Variants in TRAPPC3L observed in about 807,000 individuals in gnomAD.
TRAPPC3L encodes trafficking protein particle complex subunit 3-like protein.
TRAPPC3L carries 23 observed loss-of-function variants against 23.7 expected under a neutral mutation model. That is an observed-to-expected ratio of 0.97 (90% CI 0.70 to 1.37). TRAPPC3L has a LOEUF of 1.37. Ranked by LOEUF, TRAPPC3L falls within the 40% of genes most tolerant of loss-of-function variation. The probability of loss-of-function intolerance (pLI) is 0.00; values close to 1 mark genes in which losing one functional copy is unlikely to be tolerated. For missense variants in TRAPPC3L, 212 were observed against 216.8 expected, an observed-to-expected ratio of 0.98 and a Z score of 0.14; for synonymous variants, 81 against 77.9, an observed-to-expected ratio of 1.04 and a Z score of -0.21.
chr6:116,543,126 C>A (rs1177175828), intron 2 of TRAPPC3L, among the ~76,000 whole-genome samples, 177 bp downstream of exon 2: 1 of 152,110 alleles, frequency 6.6e-6, no homozygotes, highest in African/African-American at 2.4e-5. Flanking sequence ...TTCCTATTAT[C>A]TTATTCTATC....
intron 3 of TRAPPC3L, among the ~76,000 whole-genome samples, chr6:116,506,184 C>A (rs574117950): frequency 1.3e-5 from 2 of 152,038 alleles, no homozygotes; most frequent in East Asian, 3.9e-4. Flanking sequence ...GAAAAAACAA[C>A]CCCATCAAAA....
intron 3 of TRAPPC3L, chr6:116,521,510 G>A (rs1772341402): frequency 8.2e-6 from 1 of 121,638 alleles, no homozygotes; most frequent in African/African-American, 2.5e-5. Flanking sequence ...CTCGAGTGGA[G>A]AGAGAGGGAG....
At chr6:116,511,777 C>G (rs752156264) in intron 3 of TRAPPC3L, 1 of 1,613,994 alleles carries the variant, frequency 6.2e-7, no homozygotes. Context: ...CTCTGCTGAC[C>G]GTGGGAAGTG....
At chr6:116,516,023 G>A (rs1772218777) in intron 3 of TRAPPC3L, 1 of 1,542,046 alleles carries the variant, frequency 6.5e-7, no homozygotes, top group Middle Eastern at 1.9e-4. Context: ...GGTGTTGAGT[G>A]GCATGCTCAT....
intron 3 of TRAPPC3L, among the ~76,000 whole-genome samples, chr6:116,505,228 A>G (rs1439519656): frequency 2.0e-5 from 3 of 152,190 alleles, no homozygotes; most frequent in Non-Finnish European, 2.9e-5. Context: ...CCAATAACAG[A>G]CAAACAGAGA....
intron 3 of TRAPPC3L, among the ~76,000 whole-genome samples, chr6:116,506,701 C>T (rs2115159510): frequency 6.6e-6 from 1 of 152,316 alleles, no homozygotes; most frequent in East Asian, 1.9e-4. Context: ...AGGAAGAGTT[C>T]ATGTCATTTG....
chr6:116,509,091 TA>T (rs56112495), intron 3 of TRAPPC3L, among the ~76,000 whole-genome samples: 20,775 of 127,152 alleles, frequency 0.16, 1,453 homozygotes, highest in East Asian at 0.29. Flanking sequence ...ATAAGAGTTG[TA>T]AAAAAAAAAA....
intron 1 of TRAPPC3L, chr6:116,543,729 CT>C: frequency 8.8e-7 from 1 of 1,134,876 alleles, no homozygotes. Context: ...ACATAAATTT[CT>C]GTTTTTCTAA....
In TRAPPC3L at chr6:116,545,536, A is replaced by G. The variant is rs1441444102; in HGVS notation, c.-22T>C. 2.6e-6 allele frequency: 4 copies of G among 1,543,856 alleles called. No individual in the cohort carries two copies. Among genetic ancestry groups the G allele is most frequent in the African/African-American group, 2.7e-5 (2 of 72,814 alleles). The stretch of plus-strand genomic sequence containing the variant: ...ACATAGTGCTTGATAGATGAAGAAT[A>G]TGATCTTCAATTTCTCTTCTTTTGC... On this transcript the variant is annotated 5_prime_UTR_variant, in exon 1 of 5. Coordinates refer to ENST00000368602, the MANE Select transcript of TRAPPC3L (RefSeq NM_001139444.3).
rs1461924277 is a variant in TRAPPC3L at position 116,500,718 on chromosome 6, T to C, written c.241-52A>G. The C allele has an allele frequency of 8.1e-6, 12 of 1,475,568 alleles. No individual in the cohort carries two copies. In the South Asian group the frequency reaches 1.1e-4, roughly 13 times the overall value. 91.4% of individuals were successfully genotyped at this position (1,475,568 alleles called of 1,614,324 possible). On this transcript the variant is annotated intron_variant, in intron 3 of 4. Transcript: ENST00000368602. ...AAACTTGGTCTAGAACAAATAACTA[T>C]GAGCAGACTAAACAAATACCCAGTT...
intron 3 of TRAPPC3L, chr6:116,512,195 G>A (rs1267497142): frequency 2.5e-6 from 4 of 1,607,556 alleles, no homozygotes; most frequent in East Asian, 2.2e-5. Flanking sequence ...GCTACCTACC[G>A]TCAATGAAGA....
At position 116,545,517 on chromosome 6, in the gene TRAPPC3L, T is replaced by C. The variant is rs780317132; in HGVS notation, c.-3A>G. The stretch of plus-strand genomic sequence containing the variant: ...CTTCGGTGTGCAGGGCGAGACATAG[T>C]GCTTGATAGATGAAGAATATGATCT... On this transcript the variant is annotated 5_prime_UTR_variant, in exon 1 of 5. Coordinates refer to ENST00000368602, the MANE Select transcript of TRAPPC3L (RefSeq NM_001139444.3). 2.6e-6 allele frequency: 4 copies of C among 1,547,410 alleles called. No individual in the cohort carries two copies. In the South Asian group the frequency reaches 4.8e-5, roughly 19 times the overall value.
intron 1 of TRAPPC3L, among the ~76,000 whole-genome samples, chr6:116,544,729 A>G (rs1463653816): frequency 6.6e-6 from 1 of 152,118 alleles, no homozygotes. Flanking sequence ...AGAAGGCCAG[A>G]GGAGGTATCT....
At chr6:116,543,801 T>G in intron 1 of TRAPPC3L, 1 of 1,533,368 alleles carries the variant, frequency 6.5e-7, no homozygotes, top group South Asian at 1.2e-5. Flanking sequence ...CTCAGGCGTC[T>G]GCACAATCCC....
intron 3 of TRAPPC3L, chr6:116,516,120 A>C: frequency 8.0e-7 from 1 of 1,245,514 alleles, no homozygotes; most frequent in Middle Eastern, 2.9e-4. Context: ...CAATAACACA[A>C]AGGAAACTGC....
At chr6:116,531,281 G>T (rs1372435089) in intron 3 of TRAPPC3L, among the ~76,000 whole-genome samples, 1 of 152,150 alleles carries the variant, frequency 6.6e-6, no homozygotes, top group African/African-American at 2.4e-5. Flanking sequence ...CAGTTTGGGT[G>T]ATTGGGCAGA....
intron 3 of TRAPPC3L, among the ~76,000 whole-genome samples, chr6:116,504,681 C>T (rs1156679532): frequency 8.5e-5 from 13 of 152,182 alleles, no homozygotes; most frequent in Admixed American, 5.2e-4. Flanking sequence ...AGCTTATCCA[C>T]CACCATCAAG....
At chr6:116,513,967 A>T (rs570879761) in intron 3 of TRAPPC3L, among the ~76,000 whole-genome samples, 2 of 152,258 alleles carry the variant, frequency 1.3e-5, no homozygotes, top group South Asian at 4.1e-4. Flanking sequence ...TGGTAATATC[A>T]CTTACTTTGG....
intron 3 of TRAPPC3L, among the ~76,000 whole-genome samples, chr6:116,504,464 C>A (rs1018239623): frequency 3.3e-5 from 5 of 152,208 alleles, no homozygotes; most frequent in African/African-American, 1.2e-4. Flanking sequence ...CAAAAAGAAG[C>A]TGGTATTATT....
Sources: gnomAD v4.1 joint callset for allele counts (sites outside exome capture counted in the v4.1 genomes callset) on GRCh38, gnomAD v4.1.1 for gene constraint, MANE v1.5 for transcripts, NCBI Gene and HGNC (gene_info 2026-07-23, HGNC 2026-07-21) for gene names.